PTPRD: variants seen among roughly 807,000 people sequenced by gnomAD.
PTPRD encodes receptor-type tyrosine-protein phosphatase delta.
In PTPRD, 34 loss-of-function variants were observed where a neutral mutation model predicts 214.5. The ratio of observed to expected loss-of-function variants is 0.16; its 90% CI spans 0.12 to 0.21. The LOEUF is 0.21. Ranked by LOEUF, PTPRD falls within the 10% of genes least tolerant of loss-of-function variation. PTPRD has a pLI of 1.00. For synonymous variants in PTPRD, 1,128 were observed against 845.7 expected, an observed-to-expected ratio of 1.33 and a Z score of -5.79; for missense variants, 2,545 against 2,398.7, an observed-to-expected ratio of 1.06 and a Z score of -1.27.
chr9:9,079,525 T>G (rs1194603805), intron 10 of PTPRD, among the ~76,000 whole-genome samples: 1 of 152,086 alleles, frequency 6.6e-6, no homozygotes, highest in African/African-American at 2.4e-5. Flanking sequence ...GTAGGGGGAT[T>G]GCTGGACAAT....
At position 10,465,933 on chromosome 9, in the gene PTPRD, A is replaced by T. The variant is rs574585528; in HGVS notation, c.-599-124916T>A. 4.6e-5 allele frequency among the ~76,000 whole-genome samples: 7 copies of T among 152,350 alleles called. No individual in the cohort carries two copies. In the South Asian group the frequency reaches 1.5e-3, roughly 32 times the overall value. On this transcript the variant is annotated intron_variant, in intron 2 of 45. Transcript: ENST00000381196. The stretch of plus-strand genomic sequence containing the variant: ...CAAATAGTAAATACTATATGAATAT[A>T]AAAATGCATAGATTTAGGAAAATTT...
chr9:10,269,303 G>A (rs766226767), intron 3 of PTPRD, among the ~76,000 whole-genome samples: 17 of 152,320 alleles, frequency 1.1e-4, no homozygotes, highest in South Asian at 4.1e-4. Context: ...TTGTGTATGT[G>A]TATATGCTAC....
intron 7 of PTPRD, among the ~76,000 whole-genome samples, chr9:9,657,815 C>T (rs1202112345): frequency 3.3e-5 from 5 of 152,046 alleles, no homozygotes; most frequent in Admixed American, 2.0e-4. Context: ...TGGTCTATGC[C>T]ATATGCTTTA....
intron 14 of PTPRD, among the ~76,000 whole-genome samples, chr9:8,626,183 C>G (rs1375609971): frequency 6.6e-6 from 1 of 151,720 alleles, no homozygotes; most frequent in African/African-American, 2.4e-5. Flanking sequence ...TTAAAAACTG[C>G]TCAAATTTTA....
At chr9:10,229,611 C>T (rs963466511) in intron 3 of PTPRD, among the ~76,000 whole-genome samples, 1 of 148,612 alleles carries the variant, frequency 6.7e-6, no homozygotes, top group Non-Finnish European at 1.5e-5. Context: ...GACAAAAAAC[C>T]AAACACCGCA....
At chr9:9,218,787 C>T (rs922853240) in intron 9 of PTPRD, among the ~76,000 whole-genome samples, 4 of 152,102 alleles carry the variant, frequency 2.6e-5, no homozygotes, top group African/African-American at 9.7e-5. Context: ...TCTCCACTGT[C>T]ATGAATGCCC....
intron 3 of PTPRD, among the ~76,000 whole-genome samples, chr9:10,057,976 G>C (rs777169272): frequency 6.6e-6 from 1 of 152,050 alleles, no homozygotes; most frequent in African/African-American, 2.4e-5. Flanking sequence ...GAAAGGGAGA[G>C]TTTATTTTGG....
intron 3 of PTPRD, among the ~76,000 whole-genome samples, chr9:10,164,724 T>G (rs1249673205): frequency 6.6e-6 from 1 of 151,652 alleles, no homozygotes; most frequent in Non-Finnish European, 1.5e-5. Context: ...AGAGTATATT[T>G]TATTCAAATA....
intron 14 of PTPRD, among the ~76,000 whole-genome samples, chr9:8,548,531 C>G (rs2080995302): frequency 6.6e-6 from 1 of 151,878 alleles, no homozygotes; most frequent in South Asian, 2.1e-4. Flanking sequence ...CCAAACCTGG[C>G]TAATTTTGGT....
chr9:9,970,579 C>A (rs190167600), intron 4 of PTPRD, among the ~76,000 whole-genome samples: 4 of 152,122 alleles, frequency 2.6e-5, no homozygotes, highest in Non-Finnish European at 4.4e-5. Flanking sequence ...CTCCTCCCCC[C>A]ACACAGGGCA....
chr9:9,183,243 TA>T (rs1384689740), intron 10 of PTPRD, 60 bp downstream of exon 10: 1 of 151,992 alleles, frequency 6.6e-6, no homozygotes, highest in Non-Finnish European at 1.5e-5. Flanking sequence ...ATACATCAGT[TA>T]CTGTATTAAG....
At chr9:10,092,252 A>G (rs1274011883) in intron 3 of PTPRD, among the ~76,000 whole-genome samples, 2 of 151,442 alleles carry the variant, frequency 1.3e-5, no homozygotes, top group Admixed American at 6.6e-5. Flanking sequence ...CAAAATGCCC[A>G]TTTAGATATA....
intron 14 of PTPRD, among the ~76,000 whole-genome samples, chr9:8,627,257 AG>A (rs1344002120): frequency 6.6e-6 from 1 of 151,810 alleles, no homozygotes; most frequent in Non-Finnish European, 1.5e-5. Flanking sequence ...AAAAATCTGA[AG>A]GGCTGAAACT....
Position 9,548,405 on chromosome 9 carries a change from CTTTTTTT to C in PTPRD, c.-237+26320_-237+26326del, listed in dbSNP as rs1157663823. 2.1e-3 allele frequency among the ~76,000 whole-genome samples: 246 copies of C among 118,556 alleles called. 3 individuals are homozygous for C. The highest frequency in any genetic ancestry group is 0.017 in the Middle Eastern group (4 of 236). The allele number at this position is 118,556 out of a possible 152,430, so 77.8% of individuals were successfully genotyped here. A position where few individuals can be genotyped will look rare whatever the true frequency, so the allele number is the denominator to read the frequency against. On this transcript the variant is annotated intron_variant, in intron 8 of 45. Transcript: ENST00000381196. ...TTGCTACGTATATGTGACTTTTTTTCTTTTTTTTTTTTTTTTTTTTAAGACGGAGTCT... is the reference window on the plus strand; with the variant it reads ...TTGCTACGTATATGTGACTTTTTTTCTTTTTTTTTTTTTAAGACGGAGTCT...
At chr9:8,397,369 T>A (rs1038645976) in intron 36 of PTPRD, among the ~76,000 whole-genome samples, 6 of 152,178 alleles carry the variant, frequency 3.9e-5, no homozygotes, top group African/African-American at 1.4e-4. Context: ...ATTGTTTTGA[T>A]GTTAGAACTT....
chr9:10,364,482 T>C (rs1193706738), intron 2 of PTPRD, among the ~76,000 whole-genome samples: 2 of 152,346 alleles, frequency 1.3e-5, no homozygotes, highest in East Asian at 1.9e-4. Flanking sequence ...GTAACCCATA[T>C]ATTTATACAA....
chr9:9,144,946 G>A (rs1396345430), intron 10 of PTPRD, among the ~76,000 whole-genome samples: 1 of 152,088 alleles, frequency 6.6e-6, no homozygotes, highest in Non-Finnish European at 1.5e-5. Flanking sequence ...CACCACTTGG[G>A]AAATGTATCA....
intron 5 of PTPRD, among the ~76,000 whole-genome samples, chr9:9,838,851 T>A (rs558620386): frequency 6.6e-6 from 1 of 152,312 alleles, no homozygotes; most frequent in African/African-American, 2.4e-5. Context: ...CATGCCTATG[T>A]CCTGAATGGT....
intron 2 of PTPRD, among the ~76,000 whole-genome samples, chr9:10,509,836 C>T (rs2047404771): frequency 6.6e-6 from 1 of 151,346 alleles, no homozygotes; most frequent in African/African-American, 2.4e-5. Context: ...GCATGTATAC[C>T]AACTCATATA....
Sources: gnomAD v4.1 joint callset for allele counts (sites outside exome capture counted in the v4.1 genomes callset) on GRCh38, gnomAD v4.1.1 for gene constraint, MANE v1.5 for transcripts, NCBI Gene and HGNC (gene_info 2026-07-23, HGNC 2026-07-21) for gene names.